Variants in SCNN1A observed in about 807,000 individuals in gnomAD.
SCNN1A encodes the protein epithelial sodium channel subunit alpha.
A neutral mutation model predicts 68.6 loss-of-function variants in SCNN1A; 65 were observed. That is an observed-to-expected ratio of 0.95 (90% CI 0.78 to 1.16). The LOEUF is 1.16. Among genes scored for constraint, SCNN1A ranks in the 50% most tolerant of loss-of-function variants. The pLI, the probability that SCNN1A is intolerant of heterozygous loss-of-function variation, is 0.00. For missense variants in SCNN1A, 880 were observed against 865.9 expected, an observed-to-expected ratio of 1.02 and a Z score of -0.20; for synonymous variants, 357 against 353.3, an observed-to-expected ratio of 1.01 and a Z score of -0.12.
chr12:6,348,703 AG>A, intron 12 of SCNN1A, 23 bp downstream of exon 12: 1 of 1,599,018 alleles, frequency 6.3e-7, no homozygotes, highest in Admixed American at 1.7e-5. Flanking sequence ...AGAGCATCAC[AG>A]GCTCCATCCA....
At chr12:6,355,690 C>G in intron 5 of SCNN1A, 87 bp downstream of exon 5, 1 of 1,026,966 alleles carries the variant, frequency 9.7e-7, no homozygotes, top group Non-Finnish European at 1.6e-6. Flanking sequence ...AGGACCCCTC[C>G]CAGCAGCTCT....
chr12:6,347,994 C>A lies in SCNN1A; in HGVS notation c.1889G>T (p.Gly630Val). Residue 630 changes from glycine to valine, a missense_variant, in exon 13 of 13, where the codon GGC becomes GTC. Coordinates refer to ENST00000228916, the MANE Select transcript of SCNN1A (RefSeq NM_001038.6). ...HPMSLSLSQPGPAPSPALTAP... is the reference protein window; with the variant it reads ...HPMSLSLSQPVPAPSPALTAP... ...TGTCAAGGCTGGAGAGGGAGCAGGGCCTGGCTGGGACAAGGACAGAGACAT... is the reference window on the plus strand; with the variant it reads ...TGTCAAGGCTGGAGAGGGAGCAGGGACTGGCTGGGACAAGGACAGAGACAT... The A allele has an allele frequency of 6.3e-7, 1 of 1,577,762 alleles. No individual in the cohort carries two copies. The highest frequency in any genetic ancestry group is 8.6e-7 in the Non-Finnish European group (1 of 1,160,016).
Position 6,350,338 on chromosome 12 carries a change from A to C in SCNN1A, c.1361-933T>G, listed in dbSNP as rs537895713. Among the ~76,000 whole-genome samples, 263 of 151,524 alleles carry C rather than the reference A, an allele frequency of 1.7e-3. 1 individual carries two copies. Among genetic ancestry groups the C allele is most frequent in the African/African-American group, 5.7e-3 (235 of 41,350 alleles). On this transcript the variant is annotated intron_variant, in intron 8 of 12. Coordinates refer to ENST00000228916, the MANE Select transcript of SCNN1A (RefSeq NM_001038.6). The stretch of plus-strand genomic sequence containing the variant: ...TCCCAGCTACTCGGGAGGCTGAGGC[A>C]GGAGAATGGCGTGAACCCGGGAGGC...
Position 6,363,522 on chromosome 12 carries a change from C to G in SCNN1A, c.605G>C (p.Arg202Pro), listed in dbSNP as rs1445152613. ...RVPPPPHGAR[R>P]ARSVASSLRD... ...CAAGCTGGAGGCCACGCTACGGGCT[C>G]GACGGGCCCCGTGAGGCGGGGGCGG... The change falls in exon 3 of 13, where the codon CGA (arginine) becomes CCA (proline). Residue 202 changes from arginine to proline, a missense_variant. Physicochemically the swap from Arg to Pro is moderately radical, Grantham distance 103. Coordinates refer to ENST00000228916, the MANE Select transcript of SCNN1A (RefSeq NM_001038.6). 15 of 1,609,404 alleles carry G rather than the reference C, an allele frequency of 9.3e-6. No individual in the cohort carries two copies. The highest frequency in any genetic ancestry group is 1.3e-5 in the Non-Finnish European group (15 of 1,177,888).
intron 2 of SCNN1A, among the ~76,000 whole-genome samples, chr12:6,373,438 A>G (rs547178614): frequency 1.3e-5 from 2 of 152,282 alleles, no homozygotes; most frequent in South Asian, 4.1e-4. Context: ...ACAGCAAACT[A>G]CCTGGCCTTC....
In SCNN1A at chr12:6,347,744, C is replaced by G; in HGVS notation, c.*129G>C. 2.5e-6 allele frequency: 2 copies of G among 788,884 alleles called. No homozygotes were observed. Among genetic ancestry groups the G allele is most frequent in the South Asian group, 3.0e-5 (2 of 66,644 alleles). 48.9% of individuals were successfully genotyped at this position (788,884 alleles called of 1,614,324 possible). A position where few individuals can be genotyped will look rare whatever the true frequency, so the allele number is the denominator to read the frequency against. ...CCTGAGCCCTTACCCATCTTGCTTC[C>G]CCTCCACACATCAACGGCAGTTTGG... On this transcript the variant is annotated 3_prime_UTR_variant, in exon 13 of 13. Coordinates refer to ENST00000228916, the MANE Select transcript of SCNN1A (RefSeq NM_001038.6).
upstream of SCNN1A, chr12:6,375,811 A>C: frequency 7.3e-7 from 1 of 1,368,462 alleles, no homozygotes; most frequent in Non-Finnish European, 9.4e-7. Context: ...GCCCACAGCT[A>C]GGAGGGCAAC....
intron 2 of SCNN1A, among the ~76,000 whole-genome samples, chr12:6,366,401 T>G (rs1948680491): frequency 6.6e-6 from 1 of 152,220 alleles, no homozygotes; most frequent in South Asian, 2.1e-4. Flanking sequence ...ATAACCCAAA[T>G]GTCCATCAAT....
At chr12:6,377,182 C>G (rs1948926823), upstream of SCNN1A, 2 of 1,340,516 alleles carry the variant, frequency 1.5e-6, no homozygotes, top group Non-Finnish European at 2.1e-6. Flanking sequence ...TCTCTTGCGG[C>G]AGTCTCTTGC....
Position 6,349,216 on chromosome 12 carries a change from G to T in SCNN1A, c.1445C>A (p.Thr482Asn). 6.2e-7 allele frequency: 1 copy of T among 1,614,154 alleles called. No homozygotes were observed. The change falls in exon 10 of 13, where the codon ACC becomes AAC. Residue 482 changes from threonine to asparagine, a missense_variant. By Grantham distance (65) the Thr-to-Asn change is moderately conservative. Around this residue, in one of 3 missense-constraint regions of SCNN1A, gnomAD observed 758 missense variants for 721.8 expected, o/e 1.05. Coordinates refer to ENST00000228916, the MANE Select transcript of SCNN1A (RefSeq NM_001038.6). The part of the protein sequence containing the change: ...FTKCRKPCSV[T>N]SYQLSAGYSR... ...GTAACCAGCAGAGAGCTGGTAGCTG[G>T]TCACGCTGGGGATGGAGAAAGGTGC... is the stretch of plus-strand genomic sequence containing the variant.
At chr12:6,360,270 C>G (rs1565481116) in intron 4 of SCNN1A, among the ~76,000 whole-genome samples, 1 of 152,152 alleles carries the variant, frequency 6.6e-6, no homozygotes, top group Non-Finnish European at 1.5e-5. Context: ...CTGAGCTGAC[C>G]TAAGCGCCTA....
intron 4 of SCNN1A, among the ~76,000 whole-genome samples, chr12:6,359,955 G>C (rs148617755): frequency 6.6e-6 from 1 of 151,992 alleles, no homozygotes; most frequent in Non-Finnish European, 1.5e-5. Flanking sequence ...ATTTCCAGTA[G>C]AGATGGGGTT....
At chr12:6,367,503 A>C (rs1333276713) in intron 2 of SCNN1A, among the ~76,000 whole-genome samples, 5 of 152,250 alleles carry the variant, frequency 3.3e-5, no homozygotes, top group Non-Finnish European at 5.9e-5. Flanking sequence ...AACATTAAGC[A>C]AAATAAGTCA....
At chr12:6,353,525 T>G (rs1309897012) in intron 8 of SCNN1A, among the ~76,000 whole-genome samples, 1 of 152,084 alleles carries the variant, frequency 6.6e-6, no homozygotes, top group East Asian at 1.9e-4. Context: ...CGCTGGAGGT[T>G]TTCTCACGTG....
rs762795375 is a variant in SCNN1A at position 6,363,437 on chromosome 12, C to T, written c.684+6G>A. 19 of 1,560,000 alleles carry T rather than the reference C, an allele frequency of 1.2e-5. No individual in the cohort carries two copies. The highest frequency in any genetic ancestry group is 1.2e-4 in the East Asian group (5 of 42,600). On this transcript the variant is annotated splice_donor_region_variant and intron_variant, in intron 3 of 12. Coordinates refer to ENST00000228916, the MANE Select transcript of SCNN1A (RefSeq NM_001038.6). ...GGGGCGGGCCCCTCGGCGCTGCGGG[C>T]CTCACCAGCTGGAAGCCGATCTTCC...
chr12:6,353,695 T>A, intron 8 of SCNN1A: 1 of 81,416 alleles, frequency 1.2e-5, no homozygotes. Context: ...GTCCACACCA[T>A]TCTCCTGCCT....
rs1433603220 is a variant in SCNN1A, at chr12:6,351,549, C to A, written c.1361-2144G>T. On this transcript the variant is annotated intron_variant, in intron 8 of 12. Coordinates refer to ENST00000228916, the MANE Select transcript of SCNN1A (RefSeq NM_001038.6). This position sits in a 1 kb window ranked among gnomAD's most constrained non-coding sequence, Gnocchi z 4.2. ...AGCTGAGACAGGAGAATTGCTTGAA[C>A]CTGAGAGGCAGAGGTAGCAGTGAGC... Among the ~76,000 whole-genome samples the A allele has an allele frequency of 3.3e-5, 5 of 151,648 alleles. No individual in the cohort carries two copies. The highest frequency in any genetic ancestry group is 3.3e-4 in the Admixed American group (5 of 15,230).
intron 8 of SCNN1A, among the ~76,000 whole-genome samples, chr12:6,352,527 A>G (rs1477698259): frequency 1.3e-5 from 2 of 152,110 alleles, no homozygotes; most frequent in Non-Finnish European, 2.9e-5. Flanking sequence ...TTTTTCACTC[A>G]CAGATGTGCA....
intron 8 of SCNN1A, chr12:6,353,699 C>T (rs1398653863): frequency 1.1e-5 from 1 of 87,004 alleles, no homozygotes; most frequent in East Asian, 4.2e-4. Context: ...ACACCATTCT[C>T]CTGCCTCAGC....
Sources: allele counts gnomAD v4.1 joint callset (sites outside exome capture counted in the v4.1 genomes callset), GRCh38; gene constraint gnomAD v4.1.1; regional missense constraint gnomAD v4.1.1; non-coding constraint Gnocchi (gnomAD v3.1); transcripts MANE v1.5; gene names NCBI Gene and HGNC (gene_info 2026-07-23, HGNC 2026-07-21).